Variants in FAT3 observed in about 807,000 individuals in gnomAD.
FAT3 encodes the protein FAT atypical cadherin 3, also known as protocadherin Fat 3.
FAT3 carries 95 observed loss-of-function variants against 310.2 expected under a neutral mutation model. That is an observed-to-expected ratio of 0.31 (90% CI 0.26 to 0.36). FAT3 has a LOEUF of 0.36. Ranked by LOEUF, FAT3 falls within the 10% of genes least tolerant of loss-of-function variation. The pLI, the probability that FAT3 is intolerant of heterozygous loss-of-function variation, is 1.00. For synonymous variants in FAT3, 2,314 were observed against 2,192.9 expected, an observed-to-expected ratio of 1.06 and a Z score of -1.54; for missense variants, 5,408 against 5,715.6, an observed-to-expected ratio of 0.95 and a Z score of 1.74.
At chr11:92,638,285 C>G (rs1941840895) in intron 3 of FAT3, among the ~76,000 whole-genome samples, 1 of 152,182 alleles carries the variant, frequency 6.6e-6, no homozygotes, top group Non-Finnish European at 1.5e-5. Context: ...TTTTCATAAT[C>G]TATTGAACGT....
intron 2 of FAT3, among the ~76,000 whole-genome samples, chr11:92,450,620 TA>T (rs1290878250): frequency 1.3e-5 from 2 of 152,154 alleles, no homozygotes; most frequent in African/African-American, 4.8e-5. Context: ...TATTTGGAAT[TA>T]AACATGGGAA....
chr11:92,768,556 A>G (rs1421821963), intron 6 of FAT3, among the ~76,000 whole-genome samples: 1 of 152,050 alleles, frequency 6.6e-6, no homozygotes, highest in African/African-American at 2.4e-5. Context: ...TATCATATTC[A>G]GATGTTTTAG....
At chr11:92,733,540 C>T (rs1032875980) in intron 4 of FAT3, among the ~76,000 whole-genome samples, 2 of 151,942 alleles carry the variant, frequency 1.3e-5, no homozygotes, top group South Asian at 2.1e-4. Context: ...GTAGAGCAAT[C>T]GAAGCATACA....
intron 1 of FAT3, among the ~76,000 whole-genome samples, chr11:92,238,405 T>TGTCC (rs1864526044): frequency 6.6e-6 from 1 of 152,150 alleles, no homozygotes; most frequent in Non-Finnish European, 1.5e-5. Flanking sequence ...ACCTCTGGAA[T>TGTCC]GTCCACATAG....
intron 2 of FAT3, among the ~76,000 whole-genome samples, chr11:92,487,234 G>A (rs1213665173): frequency 6.6e-6 from 1 of 152,048 alleles, no homozygotes; most frequent in Non-Finnish European, 1.5e-5. Flanking sequence ...CTTCCAAGAG[G>A]GCCATGCAGG....
At chr11:92,872,656 T>G (rs1230781114) in intron 22 of FAT3, among the ~76,000 whole-genome samples, 3 of 152,186 alleles carry the variant, frequency 2.0e-5, no homozygotes, top group Non-Finnish European at 4.4e-5. Context: ...GAATTTACTG[T>G]GTGGATAATG....
At chr11:92,577,902 A>G (rs1377337418) in intron 3 of FAT3, among the ~76,000 whole-genome samples, 1 of 151,938 alleles carries the variant, frequency 6.6e-6, no homozygotes, top group Non-Finnish European at 1.5e-5. Flanking sequence ...GGAGAGAGAG[A>G]TTGAGATAGA....
At chr11:92,304,739 G>A (rs1947078447) in intron 1 of FAT3, among the ~76,000 whole-genome samples, 1 of 152,070 alleles carries the variant, frequency 6.6e-6, no homozygotes. Flanking sequence ...CCTGGAGGAG[G>A]TGAGGTGAGA....
intron 7 of FAT3, among the ~76,000 whole-genome samples, chr11:92,776,179 A>G (rs938046022): frequency 6.6e-5 from 10 of 152,216 alleles, no homozygotes; most frequent in African/African-American, 2.4e-4. Context: ...CCAGAGTTTC[A>G]TACCAGTTGA....
intron 3 of FAT3, among the ~76,000 whole-genome samples, chr11:92,645,095 C>G (rs1942101323): frequency 6.6e-6 from 1 of 152,114 alleles, no homozygotes; most frequent in South Asian, 2.1e-4. Context: ...AAGAAGTTTT[C>G]TGAGTAGATG....
intron 24 of FAT3, among the ~76,000 whole-genome samples, chr11:92,885,750 G>A (rs917301876): frequency 1.6e-4 from 24 of 152,160 alleles, no homozygotes; most frequent in African/African-American, 5.8e-4. Flanking sequence ...ATTCACCAGA[G>A]TGGATTATTT....
chr11:92,605,951 G>A (rs1940270087), intron 3 of FAT3, among the ~76,000 whole-genome samples: 1 of 152,024 alleles, frequency 6.6e-6, no homozygotes, highest in South Asian at 2.1e-4. Flanking sequence ...CTTGAATGTG[G>A]CAGACAGCAA....
chr11:92,798,995 C>T lies in FAT3; in HGVS notation c.5982C>T (p.Asn1994=). The change falls in exon 10 of 28, where the codon AAC becomes AAT. Residue 1994 remains asparagine, a synonymous_variant. Coordinates refer to ENST00000525166, the MANE Select transcript of FAT3 (RefSeq NM_001367949.2). ...TCTATTCCACCTCAATCTCAGAGAACAACACTAACATAACCAAAGTTGCTA... is the reference window on the plus strand; with the variant it reads ...TCTATTCCACCTCAATCTCAGAGAATAACACTAACATAACCAAAGTTGCTA... ...QSFYSTSISE[N]NTNITKVAIV... 4 of 1,613,944 alleles carry T rather than the reference C, an allele frequency of 2.5e-6. No homozygotes were observed. The highest frequency in any genetic ancestry group is 1.1e-5 in the South Asian group (1 of 91,082).
intron 1 of FAT3, among the ~76,000 whole-genome samples, chr11:92,325,463 A>AT (rs1341558330): frequency 1.3e-5 from 2 of 151,912 alleles, no homozygotes; most frequent in African/African-American, 2.4e-5. Context: ...CTTCCTCTTC[A>AT]TTTTTTTAAC....
chr11:92,637,280 C>G (rs528814453), intron 3 of FAT3, among the ~76,000 whole-genome samples: 1 of 152,180 alleles, frequency 6.6e-6, no homozygotes, highest in African/African-American at 2.4e-5. Flanking sequence ...CTTGCATACT[C>G]TTTCTTCTCA....
intron 3 of FAT3, among the ~76,000 whole-genome samples, chr11:92,606,738 G>C (rs1940317457): frequency 6.6e-6 from 1 of 152,130 alleles, no homozygotes; most frequent in South Asian, 2.1e-4. Context: ...CTTGTTCAAG[G>C]CACAAAATCA....
chr11:92,827,623 C>G (rs1591786856), intron 13 of FAT3, among the ~76,000 whole-genome samples: 1 of 152,084 alleles, frequency 6.6e-6, no homozygotes. Context: ...CCAAAAAGTC[C>G]AACTTTCCAT....
chr11:92,572,143 C>A (rs768826275), intron 3 of FAT3, among the ~76,000 whole-genome samples: 1 of 152,186 alleles, frequency 6.6e-6, no homozygotes, highest in Non-Finnish European at 1.5e-5. Context: ...TTATGGGGCT[C>A]ACCATCCAGT....
In FAT3 at chr11:92,416,406, G is replaced by GA. The variant is rs1325365974; in HGVS notation, c.3292+61010dup. ...CTCAAAAAAAAAAAAAAGAAAGAAA[G>GA]AAAAAAAACCTTCCACGTTAACATC... On this transcript the variant is annotated intron_variant, in intron 2 of 27. Coordinates refer to ENST00000525166, the MANE Select transcript of FAT3 (RefSeq NM_001367949.2). Among the ~76,000 whole-genome samples, 3 of 149,700 alleles carry GA rather than the reference G, an allele frequency of 2.0e-5. No individual in the cohort carries two copies. The South Asian group carries it at 6.4e-4, about 32-fold the overall frequency.
Sources: gnomAD v4.1 joint callset for allele counts (sites outside exome capture counted in the v4.1 genomes callset) on GRCh38, gnomAD v4.1.1 for gene constraint, MANE v1.5 for transcripts, NCBI Gene and HGNC (gene_info 2026-07-23, HGNC 2026-07-21) for gene names.